The following LRGUK variants were observed in gnomAD, a reference collection of about 807,000 sequenced individuals.
LRGUK encodes leucine rich repeats and guanylate kinase domain containing.
A neutral mutation model predicts 76.0 loss-of-function variants in LRGUK; 65 were observed. That is an observed-to-expected ratio of 0.85 (90% CI 0.70 to 1.05). The LOEUF (loss-of-function observed/expected upper bound fraction) is 1.05. Ranked by LOEUF, LRGUK falls within the 50% of genes least tolerant of loss-of-function variation. The probability of loss-of-function intolerance (pLI) is 0.00; values close to 1 mark genes in which losing one functional copy is unlikely to be tolerated. For missense variants in LRGUK, 758 were observed against 732.8 expected (o/e 1.03, Z -0.40); for synonymous variants, 268 against 265.6 (o/e 1.01, Z -0.09).
intron 16 of LRGUK, among the ~76,000 whole-genome samples, chr7:134,227,561 GCCTA>G (rs1255122764): frequency 1.3e-5 from 2 of 152,234 alleles, no homozygotes; most frequent in Non-Finnish European, 2.9e-5. Context: ...TAGGAAACAG[GCCTA>G]CAAGAGCCTT....
At chr7:134,241,345 G>A (rs966503808) in intron 16 of LRGUK, among the ~76,000 whole-genome samples, 1 of 152,086 alleles carries the variant, frequency 6.6e-6, no homozygotes, top group African/African-American at 2.4e-5. Context: ...TCAAAATAAA[G>A]GGATGGAGGA....
At chr7:134,182,823 G>A (rs570324260) in intron 10 of LRGUK, among the ~76,000 whole-genome samples, 19 of 152,168 alleles carry the variant, frequency 1.2e-4, no homozygotes, top group South Asian at 1.2e-3. Flanking sequence ...GTACAATGGC[G>A]CCATCTCGGC....
At chr7:134,210,545 C>G (rs1801214916), downstream of LRGUK, among the ~76,000 whole-genome samples, 1 of 152,152 alleles carries the variant, frequency 6.6e-6, no homozygotes, top group African/African-American at 2.4e-5. Flanking sequence ...TCAGCCAGCT[C>G]AGGAGGGCCA....
chr7:134,127,572 T>C (rs889389946), exon 1 of LRGUK: 4 of 1,614,154 alleles, frequency 2.5e-6, no homozygotes, highest in Non-Finnish European at 2.5e-6. Flanking sequence ...CATGCACCGC[T>C]ATCAGGAGCT....
intron 5 of LRGUK, among the ~76,000 whole-genome samples, chr7:134,154,224 G>T (rs1033400418): frequency 6.6e-6 from 1 of 152,160 alleles, no homozygotes; most frequent in Admixed American, 6.5e-5. Context: ...TAAAATATAC[G>T]TAAGAGGATT....
At chr7:134,219,831 A>G (rs1305705406) in intron 15 of LRGUK, among the ~76,000 whole-genome samples, 1 of 151,978 alleles carries the variant, frequency 6.6e-6, no homozygotes, top group Admixed American at 6.6e-5. Flanking sequence ...TTTCCCCCAG[A>G]TGCTTGAATG....
chr7:134,225,444 A>T (rs1801719131), intron 16 of LRGUK, among the ~76,000 whole-genome samples: 1 of 152,196 alleles, frequency 6.6e-6, no homozygotes, highest in African/African-American at 2.4e-5. Flanking sequence ...TGTTGTGTCC[A>T]GTGTCAGCAC....
At chr7:134,169,542 G>C (rs1799158544) in intron 7 of LRGUK, among the ~76,000 whole-genome samples, 1 of 152,024 alleles carries the variant, frequency 6.6e-6, no homozygotes, top group Non-Finnish European at 1.5e-5. Context: ...TGCTTTTTAT[G>C]TTTTATTGAA....
At chr7:134,255,263 AC>A (rs1802548181) in intron 18 of LRGUK, among the ~76,000 whole-genome samples, 4 of 150,602 alleles carry the variant, frequency 2.7e-5, no homozygotes, top group Admixed American at 2.0e-4. Flanking sequence ...ACACACACAC[AC>A]AAATTTATAA....
At chr7:134,182,952 G>A (rs943592313) in intron 10 of LRGUK, among the ~76,000 whole-genome samples, 63 of 152,202 alleles carry the variant, frequency 4.1e-4, no homozygotes, top group African/African-American at 1.4e-3. Context: ...TAGAGACAGA[G>A]TTTCTTCATG....
intron 1 of LRGUK, 22 bp downstream of exon 1, chr7:134,127,686 G>T (rs764582094): frequency 1.9e-6 from 3 of 1,577,266 alleles, no homozygotes; most frequent in East Asian, 2.3e-5. Flanking sequence ...CCCCCACCCC[G>T]TACTCCCTGG....
chr7:134,188,441 T>C (rs781607871), intron 11 of LRGUK, among the ~76,000 whole-genome samples: 6 of 152,050 alleles, frequency 3.9e-5, no homozygotes, highest in Non-Finnish European at 8.8e-5. Flanking sequence ...AAGCGTATCC[T>C]GTTGGCAATT....
At position 134,137,181 on chromosome 7, in the gene LRGUK, A is replaced by G. The variant is rs762855915; in HGVS notation, c.405+51A>G. The G allele has an allele frequency of 5.2e-6, 7 of 1,334,416 alleles. No individual in the cohort carries two copies. In the Admixed American group the frequency reaches 1.4e-4, roughly 26 times the overall value. 82.7% of individuals were successfully genotyped at this position (1,334,416 alleles called of 1,614,324 possible). On this transcript the variant is annotated intron_variant, in intron 2 of 15. Coordinates refer to ENST00000645682, the Ensembl canonical transcript of LRGUK. ...CTGGCTACAGCTTGACACTGGCTAG[A>G]CCATATTCATTTTCTTCAGTACTCT...
chr7:134,257,389 G>C (rs1249403702), intron 18 of LRGUK, among the ~76,000 whole-genome samples: 1 of 152,150 alleles, frequency 6.6e-6, no homozygotes, highest in Non-Finnish European at 1.5e-5. Context: ...TGGTAGAGCT[G>C]CCTCCCTGGA....
chr7:134,171,240 G>C (rs1799231152), intron 7 of LRGUK, among the ~76,000 whole-genome samples: 1 of 150,792 alleles, frequency 6.6e-6, no homozygotes, highest in Non-Finnish European at 1.5e-5. Flanking sequence ...TCTGTCTGTT[G>C]ATTCTTATTC....
At chr7:134,162,781 C>T (rs1277841256) in intron 6 of LRGUK, among the ~76,000 whole-genome samples, 6 of 131,194 alleles carry the variant, frequency 4.6e-5, no homozygotes, top group African/African-American at 1.2e-4. Context: ...GAGCCGAGGT[C>T]GTGCCACTGC....
At chr7:134,213,570 C>T (rs986646924), downstream of LRGUK, among the ~76,000 whole-genome samples, 6 of 152,162 alleles carry the variant, frequency 3.9e-5, no homozygotes, top group East Asian at 3.9e-4. Flanking sequence ...TTTTCCTCTT[C>T]GGGCGCCTGT....
chr7:134,195,729 T>C (rs1333789033), intron 12 of LRGUK, among the ~76,000 whole-genome samples: 3 of 150,934 alleles, frequency 2.0e-5, no homozygotes, highest in East Asian at 1.9e-4. Flanking sequence ...GAGCCAGACA[T>C]ATATATATAT....
chr7:134,186,656 T>G (rs1799992584), intron 11 of LRGUK, among the ~76,000 whole-genome samples: 1 of 152,240 alleles, frequency 6.6e-6, no homozygotes, highest in Non-Finnish European at 1.5e-5. Context: ...TTGTTCATTC[T>G]TTCAATACAT....
Sources: gnomAD v4.1 joint callset for allele counts (sites outside exome capture counted in the v4.1 genomes callset) on GRCh38, gnomAD v4.1.1 for gene constraint, MANE v1.5 for transcripts, NCBI Gene and HGNC (gene_info 2026-07-23, HGNC 2026-07-21) for gene names.